Variants in ARHGAP5 observed in about 807,000 individuals in gnomAD.
ARHGAP5 encodes the protein Rho GTPase activating protein 5.
A neutral mutation model predicts 116.6 loss-of-function variants in ARHGAP5; 23 were observed. The observed-to-expected ratio is 0.20, with a 90% CI of 0.14 to 0.28. The LOEUF is 0.28. Among genes scored for constraint, ARHGAP5 ranks in the 10% least tolerant of loss-of-function variants. ARHGAP5 has a pLI of 1.00. For missense variants in ARHGAP5, 1,405 were observed against 1,774.8 expected (o/e 0.79, Z 3.74); for synonymous variants, 574 against 602.0 (o/e 0.95, Z 0.68).
intron 3 of ARHGAP5, among the ~76,000 whole-genome samples, chr14:32,118,171 A>G (rs1879700772): frequency 6.6e-6 from 1 of 152,168 alleles, no homozygotes; most frequent in Non-Finnish European, 1.5e-5. Flanking sequence ...ATATTGAGTT[A>G]TCTATTTGGT....
At position 32,091,238 on chromosome 14, in the gene ARHGAP5, C is replaced by CA. The variant is rs1269856893; in HGVS notation, c.576dup (p.Pro193ThrfsTer8). The CA allele has an allele frequency of 1.9e-6, 3 of 1,609,358 alleles. No individual in the cohort carries two copies. The highest frequency in any genetic ancestry group is 1.7e-5 in the Admixed American group (1 of 58,946). ...AACCTTTTTGTCCAGTTATCAAAAT[C>CA]AAAAAAACCTGTAATAATAGCAGCA... On this transcript the variant is annotated frameshift_variant, in exon 2 of 7. Transcript: ENST00000345122. LOFTEE classifies it high-confidence loss of function.
At chr14:32,143,471 C>T (rs1233404150) in intron 3 of ARHGAP5, among the ~76,000 whole-genome samples, 1 of 152,176 alleles carries the variant, frequency 6.6e-6, no homozygotes, top group East Asian at 1.9e-4. Flanking sequence ...GTCTCAATCT[C>T]CTGACCTCGT....
chr14:32,117,926 T>C (rs1310409970), intron 3 of ARHGAP5, among the ~76,000 whole-genome samples: 1 of 149,082 alleles, frequency 6.7e-6, no homozygotes, highest in African/African-American at 2.6e-5. Context: ...TTGTTGTTTT[T>C]GAGTGCATTT....
intron 1 of ARHGAP5, among the ~76,000 whole-genome samples, chr14:32,090,264 G>A (rs1878177473): frequency 6.6e-6 from 1 of 151,752 alleles, no homozygotes. Context: ...TTTAATAGAG[G>A]TTTATTTTAA....
intron 2 of ARHGAP5, among the ~76,000 whole-genome samples, chr14:32,107,332 C>T (rs1879065048): frequency 6.6e-6 from 1 of 152,138 alleles, no homozygotes; most frequent in South Asian, 2.1e-4. Context: ...TAAGCTTAGA[C>T]ATACCTGTCT....
rs1235006333 is a variant in ARHGAP5 at position 32,094,227 on chromosome 14, A to G, written c.3558A>G (p.Thr1186=). 1.9e-6 allele frequency: 3 copies of G among 1,612,976 alleles called. No homozygotes were observed. Among genetic ancestry groups the G allele is most frequent in the Non-Finnish European group, 2.5e-6 (3 of 1,179,846 alleles). Residue 1186 remains threonine (T), a synonymous_variant, in exon 2 of 7, where the codon ACA becomes ACG. Transcript: ENST00000345122. ...ATGAGGCTTTCACCACTTCTAAAAC[A>G]AAAAGAAAAGGAAGACATCGTGGAA... The part of the protein sequence containing the change: ...SDDEAFTTSK[T]KRKGRHRGSE...
rs1429059330 is a variant in ARHGAP5 at position 32,092,166 on chromosome 14, A to G, written c.1497A>G (p.Glu499=). The G allele has an allele frequency of 3.7e-6, 6 of 1,613,720 alleles. No homozygotes were observed. The highest frequency in any genetic ancestry group is 1.1e-5 in the South Asian group (1 of 91,062). The change falls in exon 2 of 7, where the codon GAA becomes GAG. Residue 499 remains glutamate (E), a synonymous_variant. Coordinates refer to ENST00000345122, the MANE Select transcript of ARHGAP5 (RefSeq NM_001030055.2). The surrounding 1 kb of genome is among the most constrained non-coding windows in gnomAD (Gnocchi z 4.1). ...EFQEMLFEHS[E]LFYDLDLNAT... ...AAGAAATGCTTTTTGAGCATTCTGA[A>G]CTTTTTTATGATTTAGATCTTAATG... is the stretch of plus-strand genomic sequence containing the variant.
At chr14:32,133,901 A>T (rs2139111294) in intron 3 of ARHGAP5, among the ~76,000 whole-genome samples, 1 of 152,206 alleles carries the variant, frequency 6.6e-6, no homozygotes, top group East Asian at 1.9e-4. Flanking sequence ...ATTTGCATGT[A>T]TTGAACCAGC....
At chr14:32,150,063 G>T (rs767131356) in intron 5 of ARHGAP5, 30 bp downstream of exon 5, 18 of 1,515,014 alleles carry the variant, frequency 1.2e-5, no homozygotes, top group Admixed American at 2.2e-5. Flanking sequence ...TTATGAGAGG[G>T]ATGATAATGG....
chr14:32,146,845 GT>G (rs1881401098), intron 4 of ARHGAP5, among the ~76,000 whole-genome samples: 1 of 152,134 alleles, frequency 6.6e-6, no homozygotes, highest in African/African-American at 2.4e-5. Context: ...AATAAATTTT[GT>G]TTTTGAAATA....
chr14:32,128,912 T>C (rs1037595750), intron 3 of ARHGAP5, among the ~76,000 whole-genome samples: 1 of 152,244 alleles, frequency 6.6e-6, no homozygotes, highest in Non-Finnish European at 1.5e-5. Context: ...TTTAGAATGG[T>C]ATATTTAATG....
rs757903905 is a variant in ARHGAP5 at position 32,093,576 on chromosome 14, C to T, written c.2907C>T (p.Pro969=). The T allele has an allele frequency of 6.4e-5, 103 of 1,613,852 alleles. No individual in the cohort carries two copies. The highest frequency in any genetic ancestry group is 8.2e-5 in the Non-Finnish European group (97 of 1,179,952). ...GTGAAGATGTTTTTCTACCATCTCC[C>T]AGAGACTGTTTTCCCTATAATAACT... is the stretch of plus-strand genomic sequence containing the variant. ...HQSEDVFLPS[P]RDCFPYNNYP... Residue 969 remains proline (P), a synonymous_variant, in exon 2 of 7, where the codon CCC becomes CCT. Transcript: ENST00000345122.
intron 3 of ARHGAP5, among the ~76,000 whole-genome samples, chr14:32,143,312 G>A (rs142767501): frequency 1.1e-4 from 16 of 151,236 alleles, no homozygotes; most frequent in African/African-American, 2.7e-4. Context: ...GTGTGATCTC[G>A]GCTCACTGCA....
intron 2 of ARHGAP5, among the ~76,000 whole-genome samples, chr14:32,112,434 TAAAG>T (rs1879357670): frequency 6.6e-6 from 1 of 152,206 alleles, no homozygotes; most frequent in Admixed American, 6.5e-5. Context: ...GTTGGACACT[TAAAG>T]AGATGTAATT....
intron 4 of ARHGAP5, among the ~76,000 whole-genome samples, chr14:32,146,881 G>C (rs1191469886): frequency 6.6e-6 from 1 of 152,062 alleles, no homozygotes; most frequent in Non-Finnish European, 1.5e-5. Context: ...CTTACACTAA[G>C]ACTGAAGGGA....
At position 32,077,961 on chromosome 14, in the gene ARHGAP5, C is replaced by G. The variant is rs1411590159; in HGVS notation, c.-169+526C>G. On this transcript the variant is annotated intron_variant, in intron 1 of 6. Coordinates refer to ENST00000345122, the MANE Select transcript of ARHGAP5 (RefSeq NM_001030055.2). ...GCCCTTTCACTTTCCCTCATCTCCT[C>G]GACTCCTCCCTGGGTTCTCTTCACC... Among the ~76,000 whole-genome samples, 3 of 152,112 alleles carry G rather than the reference C, an allele frequency of 2.0e-5. No homozygotes were observed. The East Asian group carries it at 5.8e-4, about 29-fold the overall frequency.
intron 6 of ARHGAP5, among the ~76,000 whole-genome samples, chr14:32,152,867 C>A (rs1462963375): frequency 6.6e-6 from 1 of 151,962 alleles, no homozygotes; most frequent in Non-Finnish European, 1.5e-5. Context: ...AGTTCTGTGA[C>A]CTTGGGTAAA....
intron 1 of ARHGAP5, among the ~76,000 whole-genome samples, chr14:32,079,303 T>G (rs1425196283): frequency 1.3e-5 from 2 of 152,222 alleles, no homozygotes; most frequent in East Asian, 3.8e-4. Flanking sequence ...TTAAGAGTAC[T>G]GGGGAGTGAG....
chr14:32,123,889 G>A (rs1317263433), intron 3 of ARHGAP5, among the ~76,000 whole-genome samples: 1 of 152,006 alleles, frequency 6.6e-6, no homozygotes, highest in African/African-American at 2.4e-5. Flanking sequence ...TTGACCCTGT[G>A]CCCCATTTAT....
Sources: allele counts gnomAD v4.1 joint callset (sites outside exome capture counted in the v4.1 genomes callset), GRCh38; gene constraint gnomAD v4.1.1; non-coding constraint Gnocchi (gnomAD v3.1); transcripts MANE v1.5; gene names NCBI Gene and HGNC (gene_info 2026-07-23, HGNC 2026-07-21).